The following OTUD7A variants were observed in gnomAD, a reference collection of about 807,000 sequenced individuals.
OTUD7A encodes OTU deubiquitinase 7A.
A neutral mutation model predicts 65.7 loss-of-function variants in OTUD7A; 12 were observed. That is an observed-to-expected ratio of 0.18 (90% confidence interval 0.12 to 0.30). The LOEUF is 0.30. Among genes scored for constraint, OTUD7A ranks in the 10% least tolerant of loss-of-function variants. The pLI, the probability that OTUD7A is intolerant of heterozygous loss-of-function variation, is 1.00. For synonymous variants in OTUD7A, 641 were observed against 586.3 expected (o/e 1.09, Z -1.35); for missense variants, 1,148 against 1,304.8 (o/e 0.88, Z 1.85).
At chr15:31,811,202 C>T (rs761597127) in intron 1 of OTUD7A, among the ~76,000 whole-genome samples, 3 of 151,954 alleles carry the variant, frequency 2.0e-5, no homozygotes, top group Non-Finnish European at 4.4e-5. Flanking sequence ...TAGGGAGAGA[C>T]AGTGATGGCT....
intron 3 of OTUD7A, among the ~76,000 whole-genome samples, chr15:31,653,861 GCCA>G (rs535939703): frequency 8.5e-4 from 129 of 151,124 alleles, no homozygotes; most frequent in Admixed American, 2.4e-3. Flanking sequence ...TACAATAATG[GCCA>G]CCACAAGCAT....
At chr15:31,751,457 T>C (rs1006083786) in intron 1 of OTUD7A, among the ~76,000 whole-genome samples, 1 of 152,130 alleles carries the variant, frequency 6.6e-6, no homozygotes, top group Non-Finnish European at 1.5e-5. Flanking sequence ...ACTTACACAC[T>C]GCATGTGGGA....
intron 3 of OTUD7A, among the ~76,000 whole-genome samples, chr15:31,634,941 T>C (rs554939450): frequency 6.6e-6 from 1 of 152,264 alleles, no homozygotes; most frequent in East Asian, 1.9e-4. Context: ...CTTCCCACCT[T>C]CTGGAACCTG....
chr15:31,694,417 CG>C (rs564696593), intron 1 of OTUD7A, among the ~76,000 whole-genome samples: 1 of 152,196 alleles, frequency 6.6e-6, no homozygotes, highest in African/African-American at 2.4e-5. Context: ...CCCCTTCCCC[CG>C]GGAAACCTTT....
chr15:31,589,497 T>A (rs1889656071), intron 3 of OTUD7A, among the ~76,000 whole-genome samples: 1 of 136,740 alleles, frequency 7.3e-6, no homozygotes, highest in African/African-American at 3.0e-5. Flanking sequence ...GAGACGGGGT[T>A]TTGCCATGTT....
intron 1 of OTUD7A, among the ~76,000 whole-genome samples, chr15:31,711,965 C>T (rs1052301715): frequency 1.1e-4 from 16 of 151,090 alleles, no homozygotes; most frequent in African/African-American, 2.5e-4. Flanking sequence ...CTCACTTGAG[C>T]GTCTACATGG....
chr15:31,791,020 TTTTG>T (rs747715552), intron 1 of OTUD7A, among the ~76,000 whole-genome samples: 3 of 152,134 alleles, frequency 2.0e-5, no homozygotes, highest in Non-Finnish European at 2.9e-5. Context: ...GGTCATCTTT[TTTTG>T]TTTGTTTTGT....
intron 12 of OTUD7A, among the ~76,000 whole-genome samples, chr15:31,485,994 C>A (rs1036989200): frequency 6.6e-6 from 1 of 152,156 alleles, no homozygotes. Flanking sequence ...GGTGGACACT[C>A]GGGCTGGGCC....
At chr15:31,799,548 C>A (rs768310918) in intron 1 of OTUD7A, among the ~76,000 whole-genome samples, 1 of 152,144 alleles carries the variant, frequency 6.6e-6, no homozygotes, top group Non-Finnish European at 1.5e-5. Flanking sequence ...TCTCTCTCCA[C>A]GTGCATGCTT....
intron 1 of OTUD7A, among the ~76,000 whole-genome samples, chr15:31,851,848 G>T (rs1237808044): frequency 1.3e-5 from 2 of 152,082 alleles, no homozygotes; most frequent in African/African-American, 4.8e-5. Flanking sequence ...TTTGTGTTTT[G>T]TTTGTTTTGT....
chr15:31,642,489 A>C (rs1487684318), intron 3 of OTUD7A, among the ~76,000 whole-genome samples: 1 of 152,188 alleles, frequency 6.6e-6, no homozygotes, highest in Non-Finnish European at 1.5e-5. Flanking sequence ...TGTGTGGTAG[A>C]ATTTACCAAT....
intron 1 of OTUD7A, among the ~76,000 whole-genome samples, chr15:31,663,317 T>A (rs1410484891): frequency 6.6e-6 from 1 of 151,358 alleles, no homozygotes; most frequent in African/African-American, 2.4e-5. Flanking sequence ...AGGATACATG[T>A]GCAGGATGTG....
At chr15:31,721,440 T>C (rs1339044236) in intron 1 of OTUD7A, among the ~76,000 whole-genome samples, 4 of 151,746 alleles carry the variant, frequency 2.6e-5, no homozygotes, top group Admixed American at 1.3e-4. Context: ...TGTGCAGTCA[T>C]AGTAGGTGGC....
chr15:31,838,881 C>T (rs1376685642), intron 1 of OTUD7A, among the ~76,000 whole-genome samples: 1 of 152,210 alleles, frequency 6.6e-6, no homozygotes, highest in Non-Finnish European at 1.5e-5. Context: ...CTTTATAATC[C>T]ACTCAACAGT....
In OTUD7A at chr15:31,484,227, C is replaced by T. The variant is rs1385175034; in HGVS notation, c.1869G>A (p.Thr623=). The T allele has an allele frequency of 6.2e-7, 1 of 1,605,420 alleles. No individual in the cohort carries two copies. The highest frequency in any genetic ancestry group is 8.5e-7 in the Non-Finnish European group (1 of 1,177,376). ...GGATGTTGAGGCTCAGCTTCACATC[C>T]GTGCTGTACTTCCAGGCGTCGCCCC... ...GPRGDAWKYS[T]DVKLSLNILR... is the part of the protein sequence containing the mutation. The change falls in exon 13 of 13, where the codon ACG becomes ACA. Residue 623 remains threonine, a synonymous_variant. Transcript: ENST00000307050. The surrounding 1 kb of genome is among the most constrained non-coding windows in gnomAD (Gnocchi z 4.5).
At chr15:31,665,338 C>G (rs1179821697) in intron 1 of OTUD7A, among the ~76,000 whole-genome samples, 2 of 152,116 alleles carry the variant, frequency 1.3e-5, no homozygotes, top group African/African-American at 4.8e-5. Context: ...ATTTCTTTCA[C>G]CAGTGTTCTG....
At chr15:31,616,780 G>A (rs1442200063) in intron 3 of OTUD7A, among the ~76,000 whole-genome samples, 1 of 152,104 alleles carries the variant, frequency 6.6e-6, no homozygotes, top group African/African-American at 2.4e-5. Flanking sequence ...CTGACCTCAG[G>A]TGATCTGCCC....
intron 1 of OTUD7A, among the ~76,000 whole-genome samples, chr15:31,729,934 CCT>C (rs1295584122): frequency 6.6e-6 from 1 of 152,148 alleles, no homozygotes; most frequent in Non-Finnish European, 1.5e-5. Flanking sequence ...CCTTCTCTCT[CCT>C]ATGATACTAA....
At chr15:31,571,403 G>C (rs1336939404) in intron 3 of OTUD7A, among the ~76,000 whole-genome samples, 2 of 152,162 alleles carry the variant, frequency 1.3e-5, no homozygotes, top group Non-Finnish European at 2.9e-5. Flanking sequence ...GGAAGACTGG[G>C]GCAGCCACAG....
Sources: gnomAD v4.1 joint callset for allele counts (sites outside exome capture counted in the v4.1 genomes callset) on GRCh38, gnomAD v4.1.1 for gene constraint, Gnocchi (gnomAD v3.1) non-coding constraint, MANE v1.5 for transcripts, NCBI Gene and HGNC (gene_info 2026-07-23, HGNC 2026-07-21) for gene names.